The following SNAP91 variants were observed in gnomAD, a reference collection of about 807,000 sequenced individuals.
SNAP91 encodes the protein clathrin coat assembly protein AP180.
A neutral mutation model predicts 100.3 loss-of-function variants in SNAP91; 27 were observed. The observed-to-expected ratio is 0.27, with a 90% CI of 0.20 to 0.37. The LOEUF is 0.37. Among genes scored for constraint, SNAP91 ranks in the 10% least tolerant of loss-of-function variants. SNAP91 has a pLI of 1.00. For synonymous variants in SNAP91, 404 were observed against 398.6 expected, an observed-to-expected ratio of 1.01 and a Z score of -0.16; for missense variants, 986 against 1,123.7, an observed-to-expected ratio of 0.88 and a Z score of 1.75.
intron 26 of SNAP91, among the ~76,000 whole-genome samples, chr6:83,567,571 G>A (rs1172314185): frequency 2.6e-5 from 4 of 152,102 alleles, no homozygotes; most frequent in Non-Finnish European, 5.9e-5. Context: ...GCAACCTACA[G>A]AATGGGAGAA....
intron 3 of SNAP91, among the ~76,000 whole-genome samples, chr6:83,663,289 TAAGTC>T (rs1412469975): frequency 6.6e-6 from 1 of 152,280 alleles, no homozygotes; most frequent in African/African-American, 2.4e-5. Context: ...TCTCTCACTT[TAAGTC>T]AAGAGCTAGA....
intron 7 of SNAP91, among the ~76,000 whole-genome samples, chr6:83,647,187 G>A (rs954230054): frequency 4.0e-5 from 6 of 151,494 alleles, no homozygotes; most frequent in African/African-American, 1.2e-4. Flanking sequence ...TTTCATCTCC[G>A]TTTCTTGTCT....
intron 10 of SNAP91, among the ~76,000 whole-genome samples, chr6:83,615,828 A>T (rs1265815936): frequency 1.3e-5 from 2 of 152,236 alleles, no homozygotes; most frequent in Admixed American, 1.3e-4. Flanking sequence ...AGATTCTGGG[A>T]GAATGTCCAG....
At chr6:83,701,794 A>G (rs2099314609) in intron 2 of SNAP91, among the ~76,000 whole-genome samples, 1 of 152,232 alleles carries the variant, frequency 6.6e-6, no homozygotes, top group African/African-American at 2.4e-5. Context: ...TGAATAATAA[A>G]GAAGGCTTCT....
At chr6:83,627,418 A>G (rs2096982857) in intron 8 of SNAP91, among the ~76,000 whole-genome samples, 1 of 152,084 alleles carries the variant, frequency 6.6e-6, no homozygotes, top group Non-Finnish European at 1.5e-5. Context: ...TAGTTTCAGT[A>G]GAATTGCTTC....
intron 2 of SNAP91, among the ~76,000 whole-genome samples, chr6:83,704,185 G>A (rs1033581173): frequency 2.6e-5 from 4 of 152,284 alleles, no homozygotes; most frequent in East Asian, 1.9e-4. Context: ...AATACTCATT[G>A]AGTCCTGGAT....
chr6:83,575,353 T>C (rs1044599884), intron 25 of SNAP91: 5 of 512,690 alleles, frequency 9.8e-6, no homozygotes, highest in Admixed American at 7.3e-5. Flanking sequence ...TCAATAAGTA[T>C]AGGAATTTCC....
In SNAP91 at chr6:83,707,727, G is replaced by A. The variant is rs534116395; in HGVS notation, c.130+71C>T. ...GGCCACAGCATTATGGACCAAGAGC[G>A]CAGGCCGCACCACCAGCATCCCAGG... is the stretch of plus-strand genomic sequence containing the variant. On this transcript the variant is annotated intron_variant, in intron 2 of 29. Transcript: ENST00000369694. The A allele has an allele frequency of 1.6e-5, 25 of 1,580,992 alleles. No homozygotes were observed. The South Asian group carries it at 2.2e-4, about 14-fold the overall frequency.
At chr6:83,592,759 T>A (rs1041067147) in intron 20 of SNAP91, among the ~76,000 whole-genome samples, 187 bp downstream of exon 20, 3 of 152,106 alleles carry the variant, frequency 2.0e-5, no homozygotes, top group African/African-American at 7.2e-5. Context: ...GTGAAAAAAA[T>A]TTTCACTAGC....
In SNAP91 at chr6:83,591,196, TTTTAA is replaced by T. The variant is rs2093696964; in HGVS notation, c.2014+10_2014+14del. ...CAAATTTAACTTCTACAAAATACCA[TTTTAA>T]TTTAATTACCAGCTAGTAGGTCTGC... On this transcript the variant is annotated intron_variant, in intron 22 of 29. Coordinates refer to ENST00000369694, the MANE Select transcript of SNAP91 (RefSeq NM_001242792.2). 1 of 1,538,964 alleles carries T rather than the reference TTTTAA, an allele frequency of 6.5e-7. No individual in the cohort carries two copies.
At chr6:83,609,429 A>C (rs2128298883) in intron 12 of SNAP91, among the ~76,000 whole-genome samples, 1 of 152,306 alleles carries the variant, frequency 6.6e-6, no homozygotes, top group African/African-American at 2.4e-5. Context: ...TGTTTGTTTT[A>C]TCTGACTGAT....
rs935143563 is a variant in SNAP91, at chr6:83,639,855, G to T, written c.765+1241C>A. Among the ~76,000 whole-genome samples the T allele has an allele frequency of 3.9e-5, 6 of 152,146 alleles. No homozygotes were observed. In the East Asian group the frequency reaches 1.2e-3, roughly 29 times the overall value. ...CTCAGGCATAATTTATCTTTTCACA[G>T]AAAGAAATTAGGCAAATTTTACTAG... On this transcript the variant is annotated intron_variant, in intron 8 of 29. Transcript: ENST00000369694.
At chr6:83,641,904 A>G (rs2097718460) in intron 7 of SNAP91, among the ~76,000 whole-genome samples, 1 of 152,214 alleles carries the variant, frequency 6.6e-6, no homozygotes, top group East Asian at 1.9e-4. Context: ...TGCTGTCATT[A>G]GGGAACTACA....
chr6:83,699,455 T>A (rs2099264085), intron 2 of SNAP91, among the ~76,000 whole-genome samples: 3 of 151,990 alleles, frequency 2.0e-5, no homozygotes, highest in Admixed American at 2.0e-4. Context: ...AGAGAATTAA[T>A]GAACTAGAAG....
chr6:83,640,387 T>C (rs532731306), intron 8 of SNAP91, among the ~76,000 whole-genome samples: 15 of 152,286 alleles, frequency 9.8e-5, no homozygotes, highest in African/African-American at 3.6e-4. Flanking sequence ...AACATTCCAA[T>C]CAGTTCCTAG....
intron 14 of SNAP91, among the ~76,000 whole-genome samples, chr6:83,604,124 T>C (rs2095467762): frequency 6.6e-6 from 1 of 152,176 alleles, no homozygotes; most frequent in Non-Finnish European, 1.5e-5. Flanking sequence ...CCAGGGAATA[T>C]GGAAAAGGGA....
intron 7 of SNAP91, among the ~76,000 whole-genome samples, chr6:83,646,783 A>G (rs2097934969): frequency 2.0e-5 from 3 of 152,198 alleles, no homozygotes. Context: ...GTTGGAAAGA[A>G]CTGACATATT....
In SNAP91 at chr6:83,575,555, C is replaced by T. The variant is rs576885147; in HGVS notation, c.2331-434G>A. 4.0e-4 allele frequency: 93 copies of T among 232,270 alleles called. 1 individual carries two copies. The South Asian group carries it at 5.7e-3, about 14-fold the overall frequency. The allele number at this position is 232,270 out of a possible 1,614,324, so 14.4% of individuals were successfully genotyped here. ...ACAACTGTATCATGACTGCAACCTG[C>T]CTTACAGTGATCGTAAGACACCATC... On this transcript the variant is annotated intron_variant, in intron 25 of 29. Coordinates refer to ENST00000369694, the MANE Select transcript of SNAP91 (RefSeq NM_001242792.2).
At chr6:83,579,648 T>G (rs1008396525) in intron 24 of SNAP91, among the ~76,000 whole-genome samples, 3 of 152,174 alleles carry the variant, frequency 2.0e-5, no homozygotes, top group African/African-American at 7.2e-5. Flanking sequence ...CCTAGGACTC[T>G]CTCCTTTACC....
Sources: gnomAD v4.1 joint callset for allele counts (sites outside exome capture counted in the v4.1 genomes callset) on GRCh38, gnomAD v4.1.1 for gene constraint, MANE v1.5 for transcripts, NCBI Gene and HGNC (gene_info 2026-07-23, HGNC 2026-07-21) for gene names.